Variants in FILIP1L observed in about 807,000 individuals in gnomAD.
FILIP1L encodes the protein filamin A interacting protein 1 like, also known as filamin A-interacting protein 1-like.
A neutral mutation model predicts 96.6 loss-of-function variants in FILIP1L; 55 were observed. The observed-to-expected ratio is 0.57, with a 90% CI of 0.46 to 0.71. FILIP1L has a LOEUF of 0.71. Ranked by LOEUF, FILIP1L falls within the 30% of genes least tolerant of loss-of-function variation. The pLI is 0.00. For missense variants in FILIP1L, 1,304 were observed against 1,321.2 expected, an observed-to-expected ratio of 0.99 and a Z score of 0.20; for synonymous variants, 467 against 473.9, an observed-to-expected ratio of 0.99 and a Z score of 0.19.
At chr3:100,109,917 G>T (rs1349188873) in intron 1 of FILIP1L, 2 of 34,236 alleles carry the variant, frequency 5.8e-5, no homozygotes, top group Non-Finnish European at 1.2e-4. Flanking sequence ...CCCCCCCCCA[G>T]CACCACCCCC....
At chr3:100,082,568 C>T (rs1428143200) in intron 1 of FILIP1L, among the ~76,000 whole-genome samples, 1 of 152,162 alleles carries the variant, frequency 6.6e-6, no homozygotes, top group Non-Finnish European at 1.5e-5. Context: ...TTTGAAGACC[C>T]TAAACAGCAG....
chr3:99,983,438 A>G (rs1413935915), intron 1 of FILIP1L, among the ~76,000 whole-genome samples: 56 of 50,626 alleles, frequency 1.1e-3, no homozygotes, highest in African/African-American at 3.2e-3. Flanking sequence ...GTATGTATAT[A>G]TATGTATGTA....
intron 4 of FILIP1L, among the ~76,000 whole-genome samples, chr3:99,902,412 T>C (rs1264773553): frequency 6.6e-6 from 1 of 152,204 alleles, no homozygotes; most frequent in Non-Finnish European, 1.5e-5. Context: ...GTTTCTCAGA[T>C]GCATTTCCAT....
intron 1 of FILIP1L, among the ~76,000 whole-genome samples, chr3:99,980,644 C>T (rs1169076565): frequency 1.3e-5 from 2 of 152,090 alleles, no homozygotes; most frequent in Non-Finnish European, 2.9e-5. Flanking sequence ...GAATTGAGGG[C>T]TTATGGTAGT....
chr3:99,937,082 C>T (rs750506163), intron 1 of FILIP1L, among the ~76,000 whole-genome samples: 23 of 151,934 alleles, frequency 1.5e-4, no homozygotes, highest in African/African-American at 4.8e-4. Context: ...GGATTACAGG[C>T]GCCTGCCATC....
At chr3:99,843,571 TGA>T (rs529528131) in intron 5 of FILIP1L, among the ~76,000 whole-genome samples, 66 of 152,328 alleles carry the variant, frequency 4.3e-4, no homozygotes, top group African/African-American at 1.5e-3. Flanking sequence ...AAACCCACTG[TGA>T]GTTGAAAATA....
chr3:100,110,318 C>T (rs540055521), intron 1 of FILIP1L, among the ~76,000 whole-genome samples: 3 of 152,162 alleles, frequency 2.0e-5, no homozygotes, highest in Non-Finnish European at 2.9e-5. Flanking sequence ...AGTTTAATAT[C>T]ATGGCTCAGA....
Position 99,943,698 on chromosome 3 carries a change from C to T in FILIP1L, c.-10-12668G>A, listed in dbSNP as rs180691243. Among the ~76,000 whole-genome samples the T allele has an allele frequency of 4.8e-3, 721 of 151,142 alleles. 5 individuals are homozygous for T. Among genetic ancestry groups the T allele is most frequent in the Non-Finnish European group, 7.3e-3 (492 of 67,852 alleles). ...CAGCCTGGGCAACAGAATGAGACTCCGTCTCAAAAAAAAAAAAATTACATC... is the reference window on the plus strand; with the variant it reads ...CAGCCTGGGCAACAGAATGAGACTCTGTCTCAAAAAAAAAAAAATTACATC... On this transcript the variant is annotated intron_variant, in intron 1 of 5. Coordinates refer to ENST00000477258, the MANE Select transcript of FILIP1L (RefSeq NM_001387850.1).
intron 1 of FILIP1L, among the ~76,000 whole-genome samples, chr3:100,082,771 A>G (rs535801562): frequency 1.6e-4 from 24 of 152,320 alleles, no homozygotes; most frequent in African/African-American, 5.5e-4. Flanking sequence ...TGTGAGGTCC[A>G]TACATGTCAC....
chr3:99,988,426 C>T (rs1459965791), intron 1 of FILIP1L, among the ~76,000 whole-genome samples: 2 of 144,816 alleles, frequency 1.4e-5, no homozygotes, highest in South Asian at 2.2e-4. Context: ...ACAGGAGAAT[C>T]GCTTGAATGT....
At chr3:100,087,303 G>A (rs1314396379) in intron 1 of FILIP1L, among the ~76,000 whole-genome samples, 2 of 152,150 alleles carry the variant, frequency 1.3e-5, no homozygotes, top group Non-Finnish European at 2.9e-5. Flanking sequence ...GTACTATTTT[G>A]TGTTCCCACC....
At chr3:100,102,251 T>A (rs1158468327) in intron 1 of FILIP1L, among the ~76,000 whole-genome samples, 1 of 152,198 alleles carries the variant, frequency 6.6e-6, no homozygotes. Context: ...TGTAAAAGTG[T>A]TCCTATTTCT....
intron 1 of FILIP1L, among the ~76,000 whole-genome samples, chr3:100,046,677 G>A (rs1285218069): frequency 6.6e-6 from 1 of 152,096 alleles, no homozygotes; most frequent in Non-Finnish European, 1.5e-5. Flanking sequence ...GGCCATCTCA[G>A]CTCCAGGTAA....
At chr3:99,872,269 C>CTGTGTGTG (rs55727823) in intron 4 of FILIP1L, among the ~76,000 whole-genome samples, 8,022 of 110,726 alleles carry the variant, frequency 0.072, 366 homozygotes, top group East Asian at 0.098. Context: ...TGTGCCAGGA[C>CTGTGTGTG]TGTGTGTGTG....
At chr3:99,874,222 T>C (rs1705390883) in intron 4 of FILIP1L, 1 of 152,232 alleles carries the variant, frequency 6.6e-6, no homozygotes, top group Admixed American at 6.5e-5. Flanking sequence ...GTTAGAATTT[T>C]GATGGAAGTT....
intron 4 of FILIP1L, among the ~76,000 whole-genome samples, chr3:99,885,608 A>G (rs1705866855): frequency 6.6e-6 from 1 of 152,260 alleles, no homozygotes; most frequent in South Asian, 2.1e-4. Context: ...AAAGTGGCTT[A>G]GGGCTCACTT....
At chr3:100,060,578 G>A (rs184435303) in intron 1 of FILIP1L, among the ~76,000 whole-genome samples, 10 of 152,178 alleles carry the variant, frequency 6.6e-5, no homozygotes, top group East Asian at 1.9e-4. Context: ...ATAGGGGCTC[G>A]GCGCAGTGGC....
chr3:99,840,139 C>G (rs1012479417), intron 5 of FILIP1L, among the ~76,000 whole-genome samples: 1 of 151,654 alleles, frequency 6.6e-6, no homozygotes, highest in African/African-American at 2.4e-5. Flanking sequence ...CAGGCCAAAA[C>G]CATTAATAGT....
intron 1 of FILIP1L, among the ~76,000 whole-genome samples, chr3:100,074,209 T>C (rs775978229): frequency 1.9e-4 from 29 of 152,214 alleles, no homozygotes; most frequent in Non-Finnish European, 4.1e-4. Flanking sequence ...CCGAGAGCTC[T>C]AAATCTGACA....
Sources: gnomAD v4.1 joint callset for allele counts (sites outside exome capture counted in the v4.1 genomes callset) on GRCh38, gnomAD v4.1.1 for gene constraint, MANE v1.5 for transcripts, NCBI Gene and HGNC (gene_info 2026-07-23, HGNC 2026-07-21) for gene names.